The following PARD3B variants were observed in gnomAD, a reference collection of about 807,000 sequenced individuals.
The protein encoded by PARD3B is partitioning defective 3 homolog B.
Under a neutral mutation model 130.2 loss-of-function variants are expected in PARD3B, and 103 were observed. The ratio of observed to expected loss-of-function variants is 0.79; its 90% CI spans 0.67 to 0.93. The LOEUF is 0.93. Among genes scored for constraint, PARD3B ranks in the 40% least tolerant of loss-of-function variants. The pLI is 0.00. For missense variants in PARD3B, 1,609 were observed against 1,499.2 expected (o/e 1.07, Z -1.21); for synonymous variants, 583 against 553.2 (o/e 1.05, Z -0.76).
At chr2:204,983,320 T>G (rs930292746) in intron 3 of PARD3B, among the ~76,000 whole-genome samples, 7 of 151,372 alleles carry the variant, frequency 4.6e-5, no homozygotes, top group Non-Finnish European at 8.8e-5. Context: ...CCTAACCAAC[T>G]TATAACAACT....
In PARD3B at chr2:204,762,375, T is replaced by C. The variant is rs565924693; in HGVS notation, c.222+76093T>C. Among the ~76,000 whole-genome samples, 9 of 152,056 alleles carry C rather than the reference T, an allele frequency of 5.9e-5. No homozygotes were observed. The South Asian group carries it at 1.4e-3, about 24-fold the overall frequency. The stretch of plus-strand genomic sequence containing the variant: ...GATCTGTCCACCAATCCACCCGGCT[T>C]GGCCTTCCAAAGTAATAGGATTACA... On this transcript the variant is annotated intron_variant, in intron 2 of 22. Coordinates refer to ENST00000406610, the MANE Select transcript of PARD3B (RefSeq NM_001302769.2).
chr2:204,601,033 G>C (rs10175139), intron 1 of PARD3B, among the ~76,000 whole-genome samples: 3 of 151,472 alleles, frequency 2.0e-5, no homozygotes, highest in Admixed American at 6.6e-5. Flanking sequence ...GGGACTGATC[G>C]TTAAGCACAT....
At chr2:205,019,676 A>G (rs1331170447) in intron 3 of PARD3B, among the ~76,000 whole-genome samples, 1 of 152,100 alleles carries the variant, frequency 6.6e-6, no homozygotes, top group Non-Finnish European at 1.5e-5. Flanking sequence ...TAGCCATCCT[A>G]GTGGGTGTAA....
chr2:204,738,944 A>G (rs147706843), intron 2 of PARD3B, among the ~76,000 whole-genome samples: 71 of 152,312 alleles, frequency 4.7e-4, no homozygotes, highest in Admixed American at 2.0e-3. Flanking sequence ...TCCAGGGATG[A>G]TGTCTCATCA....
At chr2:205,080,160 T>A (rs1192283410) in intron 4 of PARD3B, among the ~76,000 whole-genome samples, 1 of 152,210 alleles carries the variant, frequency 6.6e-6, no homozygotes, top group Non-Finnish European at 1.5e-5. Flanking sequence ...GTTGCTGTTT[T>A]TACATTTTTA....
At chr2:205,513,630 T>A (rs1156986462) in intron 21 of PARD3B, among the ~76,000 whole-genome samples, 5 of 152,088 alleles carry the variant, frequency 3.3e-5, no homozygotes, top group African/African-American at 2.4e-5. Flanking sequence ...GCCCCAGGAT[T>A]GGAGAACAGA....
At chr2:205,252,580 G>C (rs2039895718) in intron 16 of PARD3B, among the ~76,000 whole-genome samples, 1 of 152,046 alleles carries the variant, frequency 6.6e-6, no homozygotes, top group African/African-American at 2.4e-5. Context: ...CACATTTCAG[G>C]CTTCTGGAAA....
intron 4 of PARD3B, among the ~76,000 whole-genome samples, chr2:205,068,660 G>T (rs993825080): frequency 6.6e-6 from 1 of 151,836 alleles, no homozygotes; most frequent in African/African-American, 2.4e-5. Context: ...TGAATGCACT[G>T]AAACATGTTT....
chr2:204,790,311 C>T (rs1470529432), intron 2 of PARD3B, among the ~76,000 whole-genome samples: 1 of 152,162 alleles, frequency 6.6e-6, no homozygotes, highest in Non-Finnish European at 1.5e-5. Flanking sequence ...GCTTTCTAGT[C>T]TTGAGTACCT....
intron 22 of PARD3B, among the ~76,000 whole-genome samples, chr2:205,581,257 T>TAGATAGATATAGATATAGATAG (rs143823405): frequency 8.3e-6 from 1 of 120,928 alleles, no homozygotes; most frequent in East Asian, 2.2e-4. Flanking sequence ...TATAGATATA[T>TAGATAGATATAGATATAGATAG]ATAGATATAG....
At position 204,998,358 on chromosome 2, in the gene PARD3B, A is replaced by ATATATG. The variant is rs1400529301; in HGVS notation, c.394+33036_394+33037insATATGT. The stretch of plus-strand genomic sequence containing the variant: ...TATATATATATATATATATATATAT[A>ATATATG]TGTGTGTGTGTGTGTGTATATATGT... On this transcript the variant is annotated intron_variant, in intron 3 of 22. Coordinates refer to ENST00000406610, the MANE Select transcript of PARD3B (RefSeq NM_001302769.2). Among the ~76,000 whole-genome samples, 199 of 69,750 alleles carry ATATATG rather than the reference A, an allele frequency of 2.9e-3. 6 individuals are homozygous for ATATATG. Among genetic ancestry groups the ATATATG allele is most frequent in the East Asian group, 0.016 (54 of 3,284 alleles). The allele number at this position is 69,750 out of a possible 152,430, so 45.8% of individuals were successfully genotyped here.
intron 1 of PARD3B, among the ~76,000 whole-genome samples, chr2:204,663,251 G>A (rs2035894801): frequency 6.6e-6 from 1 of 152,142 alleles, no homozygotes; most frequent in African/African-American, 2.4e-5. Context: ...ATTCTCATGT[G>A]AGCTAGCCTC....
chr2:204,979,009 A>G (rs2125202051), intron 3 of PARD3B, among the ~76,000 whole-genome samples: 1 of 150,950 alleles, frequency 6.6e-6, no homozygotes, highest in African/African-American at 2.4e-5. Context: ...GTAAAAATAA[A>G]GGAGGTGGAG....
chr2:205,491,694 C>T (rs535023128), intron 20 of PARD3B, among the ~76,000 whole-genome samples: 4 of 152,098 alleles, frequency 2.6e-5, no homozygotes, highest in South Asian at 2.1e-4. Flanking sequence ...GACAAGTCTT[C>T]GAGCTATAGG....
chr2:205,505,009 G>T (rs1397371007), intron 21 of PARD3B, among the ~76,000 whole-genome samples: 7 of 152,162 alleles, frequency 4.6e-5, no homozygotes, highest in Non-Finnish European at 8.8e-5. Flanking sequence ...AACAATGATA[G>T]ACTGGATTAA....
intron 15 of PARD3B, among the ~76,000 whole-genome samples, chr2:205,243,584 T>C (rs2039449245): frequency 6.6e-6 from 1 of 152,228 alleles, no homozygotes; most frequent in East Asian, 1.9e-4. Context: ...GTAAGCTTGG[T>C]CACCACAGAA....
chr2:205,008,196 A>G (rs1695432330), intron 3 of PARD3B, among the ~76,000 whole-genome samples: 2 of 151,988 alleles, frequency 1.3e-5, no homozygotes, highest in Admixed American at 1.3e-4. Context: ...AAATTTTCTT[A>G]TCCAACTTGG....
intron 22 of PARD3B, among the ~76,000 whole-genome samples, chr2:205,605,003 A>G (rs1044604134): frequency 2.0e-5 from 3 of 152,174 alleles, no homozygotes; most frequent in East Asian, 3.9e-4. Context: ...CAATTGAGCT[A>G]TTGATACTTG....
intron 4 of PARD3B, among the ~76,000 whole-genome samples, chr2:205,090,239 A>G (rs1702023133): frequency 6.6e-6 from 1 of 152,220 alleles, no homozygotes; most frequent in Non-Finnish European, 1.5e-5. Context: ...CCTTAATGTA[A>G]CTGGAGTGAA....
Sources: allele counts gnomAD v4.1 joint callset (sites outside exome capture counted in the v4.1 genomes callset), GRCh38; gene constraint gnomAD v4.1.1; transcripts MANE v1.5; gene names NCBI Gene and HGNC (gene_info 2026-07-23, HGNC 2026-07-21).